EPG5: variants seen among roughly 807,000 people sequenced by gnomAD.
EPG5 encodes ectopic P granules protein 5 homolog.
Under a neutral mutation model 302.7 loss-of-function variants are expected in EPG5, and 159 were observed. That is an observed-to-expected ratio of 0.53 (90% CI 0.46 to 0.60). The LOEUF (loss-of-function observed/expected upper bound fraction) is 0.60. Ranked by LOEUF, EPG5 falls within the 20% of genes least tolerant of loss-of-function variation. The probability of loss-of-function intolerance (pLI) is 0.00; values close to 1 mark genes in which losing one functional copy is unlikely to be tolerated. For missense variants in EPG5, 2,896 were observed against 3,092.4 expected (o/e 0.94, Z 1.51); for synonymous variants, 1,158 against 1,136.8 (o/e 1.02, Z -0.37).
At chr18:45,899,306 C>T in intron 27 of EPG5, 98 bp downstream of exon 27, 2 of 1,362,392 alleles carry the variant, frequency 1.5e-6, no homozygotes, top group Non-Finnish European at 2.0e-6. Flanking sequence ...GGGACACAGA[C>T]AGTGTGCTAT....
intron 37 of EPG5, among the ~76,000 whole-genome samples, 189 bp from the exon 38 acceptor site, chr18:45,867,196 A>G (rs1166262795): frequency 6.6e-6 from 1 of 152,214 alleles, no homozygotes; most frequent in Non-Finnish European, 1.5e-5. Flanking sequence ...TGGCAAAAAC[A>G]CATTCATATT....
intron 22 of EPG5, among the ~76,000 whole-genome samples, chr18:45,911,129 AT>A (rs61542429): frequency 6.1e-5 from 9 of 146,660 alleles, no homozygotes; most frequent in South Asian, 4.3e-4. Context: ...ATATATATAC[AT>A]TTTTTTTTTG....
At chr18:45,830,627 C>T in the EPG5 span, among the ~76,000 whole-genome samples, 2 of 123,390 alleles carry the variant, frequency 1.6e-5, no homozygotes, top group Non-Finnish European at 1.6e-5. Flanking sequence ...GCTCTGTCAC[C>T]CAGGCTGGAG....
intron 32 of EPG5, 79 bp from the exon 33 acceptor site, chr18:45,879,293 G>A (rs939061248): frequency 5.3e-5 from 51 of 964,688 alleles, no homozygotes; most frequent in Non-Finnish European, 8.0e-5. Context: ...TGATGGGGGT[G>A]TATATAGTAG....
chr18:45,914,217 G>A (rs976052545), intron 20 of EPG5, among the ~76,000 whole-genome samples: 1 of 152,188 alleles, frequency 6.6e-6, no homozygotes, highest in Non-Finnish European at 1.5e-5. Flanking sequence ...GTTGAGCAGT[G>A]ACGAGGACTG....
chr18:45,941,422 A>G (rs2050664983), intron 9 of EPG5, among the ~76,000 whole-genome samples: 1 of 152,230 alleles, frequency 6.6e-6, no homozygotes, highest in Non-Finnish European at 1.5e-5. Context: ...TGGGAGGAAA[A>G]GCAAGTTCAA....
rs1474223945 is a variant in EPG5 at position 45,928,940 on chromosome 18, T to C, written c.2482A>G (p.Thr828Ala). ...KVGRELLGTI[T>A]AVHPEIISVL... is the part of the protein sequence containing the mutation. ...GAAATTATCTCAGGGTGAACAGCTG[T>C]GATAGTCCCTAAAAGCTCTCGACCA... The change falls in exon 13 of 44, where the codon ACA (threonine) becomes GCA (alanine). Residue 828 changes from threonine to alanine, a missense_variant. Transcript: ENST00000282041. 4 of 1,613,640 alleles carry C rather than the reference T, an allele frequency of 2.5e-6. No homozygotes were observed. The highest frequency in any genetic ancestry group is 3.4e-6 in the Non-Finnish European group (4 of 1,179,568).
chr18:45,868,124 T>C (rs2048786576), intron 36 of EPG5: 1 of 458,722 alleles, frequency 2.2e-6, no homozygotes, highest in African/African-American at 2.0e-5. Flanking sequence ...TACTAGTCAG[T>C]AGTTCCCAAA....
chr18:45,804,969 T>C, the EPG5 span, among the ~76,000 whole-genome samples: 3 of 152,066 alleles, frequency 2.0e-5, no homozygotes, highest in African/African-American at 4.8e-5. Context: ...ACCTATACGA[T>C]TGCAAGGTTT....
rs372840001 is a variant in EPG5 at position 45,955,052 on chromosome 18, G to A, written c.350C>T (p.Ala117Val). The A allele has an allele frequency of 2.3e-4, 378 of 1,614,058 alleles. No homozygotes were observed. Among genetic ancestry groups the A allele is most frequent in the Non-Finnish European group, 3.1e-4 (364 of 1,180,028 alleles). The change falls in exon 2 of 44, where the codon GCA becomes GTA. Residue 117 changes from alanine (A) to valine (V), a missense_variant. By Grantham distance (64) the Ala-to-Val change is moderately conservative. Transcript: ENST00000282041. ...GEARPCVGDS[A>V]VTPKVHPGDN... Reference sequence around the variant, plus strand: ...TCCAGGGTGGACCTTTGGAGTGACTGCACTGTCCCCCACACAGGGTCTGGC... The same window carrying A: ...TCCAGGGTGGACCTTTGGAGTGACTACACTGTCCCCCACACAGGGTCTGGC...
chr18:45,939,467 T>G (rs2050612653), intron 10 of EPG5, 133 bp downstream of exon 10: 2 of 805,936 alleles, frequency 2.5e-6, no homozygotes. Context: ...GCCCAAGAAT[T>G]TGCCCTCAAT....
At chr18:45,947,777 T>TC (rs1414454603) in intron 6 of EPG5, among the ~76,000 whole-genome samples, 1 of 135,956 alleles carries the variant, frequency 7.4e-6, no homozygotes, top group African/African-American at 3.1e-5. Context: ...AATCCATTCT[T>TC]TTTTTTTTTC....
At position 45,857,961 on chromosome 18, in the gene EPG5, C is replaced by A; in HGVS notation, c.7334G>T (p.Arg2445Leu). The stretch of plus-strand genomic sequence containing the variant: ...CCTGCTCTGAACCAAGAGCAGAATT[C>A]GAATGACAGATTCTGTCAGGACGGA... ...NDSVLTESVI[R>L]ILLLVQSRQN... Residue 2445 changes from arginine (R) to leucine (L), a missense_variant, in exon 42 of 44, where the codon CGA becomes CTA. Around this residue, in one of 5 missense-constraint regions of EPG5, gnomAD observed 620 missense variants for 704.2 expected, o/e 0.88. Transcript: ENST00000282041. The A allele has an allele frequency of 6.2e-7, 1 of 1,613,472 alleles. No individual in the cohort carries two copies. The highest frequency in any genetic ancestry group is 1.1e-5 in the South Asian group (1 of 91,044).
rs1177527928 is a variant in EPG5, at chr18:45,916,460, T to C, written c.3362A>G (p.Lys1121Arg). 1 of 1,613,284 alleles carries C rather than the reference T, an allele frequency of 6.2e-7. No individual in the cohort carries two copies. ...LTGASHGDNV[K>R]LLNSMIQAHI... ...CACCTGGATCATGCTGTTGAGAAGC[T>C]TCACGTTGTCCCCATGGCTGGCTCC... Residue 1121 changes from lysine to arginine, a missense_variant, in exon 18 of 44, where the codon AAG becomes AGG. This residue lies in a region of EPG5 where 1,390 missense variants were observed against 1,430.0 expected (regional missense o/e 0.97). Coordinates refer to ENST00000282041, the MANE Select transcript of EPG5 (RefSeq NM_020964.3).
chr18:45,949,603 A>C lies in EPG5; in HGVS notation c.1390-12T>G. On this transcript the variant is annotated splice_polypyrimidine_tract_variant and intron_variant, in intron 4 of 43. Coordinates refer to ENST00000282041, the MANE Select transcript of EPG5 (RefSeq NM_020964.3). ...TGTAGCACGGATACCTGAACAATAA[A>C]GGTCATATGATCTCACTATTTTTAA... 1.3e-6 allele frequency: 2 copies of C among 1,530,310 alleles called. No homozygotes were observed. Among genetic ancestry groups the C allele is most frequent in the Non-Finnish European group, 1.8e-6 (2 of 1,106,538 alleles). The allele number at this position is 1,530,310 out of a possible 1,614,324, so 94.8% of individuals were successfully genotyped here.
chr18:45,812,808 T>C, the EPG5 span, among the ~76,000 whole-genome samples: 1 of 152,092 alleles, frequency 6.6e-6, no homozygotes, highest in Non-Finnish European at 1.5e-5. Flanking sequence ...CCTAAAACCA[T>C]AAAAACCCTA....
the EPG5 span, among the ~76,000 whole-genome samples, chr18:45,816,544 T>C: frequency 6.6e-6 from 1 of 152,104 alleles, no homozygotes; most frequent in Non-Finnish European, 1.5e-5. Context: ...ACATCACTAA[T>C]GATCAGGGAA....
At chr18:45,862,490 T>A (rs187047018) in intron 39 of EPG5, among the ~76,000 whole-genome samples, 2 of 152,300 alleles carry the variant, frequency 1.3e-5, no homozygotes, top group Non-Finnish European at 2.9e-5. Flanking sequence ...GAGTTTAGTG[T>A]GAGGTGGCTG....
chr18:45,869,854 G>C (rs2048832759), intron 36 of EPG5, among the ~76,000 whole-genome samples: 1 of 150,544 alleles, frequency 6.6e-6, no homozygotes, highest in African/African-American at 2.4e-5. Context: ...GTGACAGTAA[G>C]AGTAAACACT....
Sources: gnomAD v4.1 joint callset for allele counts (sites outside exome capture counted in the v4.1 genomes callset) on GRCh38, gnomAD v4.1.1 for gene constraint, gnomAD v4.1.1 regional missense constraint, MANE v1.5 for transcripts, NCBI Gene and HGNC (gene_info 2026-07-23, HGNC 2026-07-21) for gene names.